PCDH15: variants seen among roughly 807,000 people sequenced by gnomAD.
PCDH15 encodes protocadherin related 15.
In PCDH15, 129 loss-of-function variants were observed where a neutral mutation model predicts 178.5. The ratio of observed to expected loss-of-function variants is 0.72; its 90% confidence interval spans 0.63 to 0.84. PCDH15 has a LOEUF of 0.84. PCDH15 is among the 40% of genes least tolerant of loss of function. The probability of loss-of-function intolerance (pLI) is 0.00; values close to 1 mark genes in which losing one functional copy is unlikely to be tolerated. For synonymous variants in PCDH15, 800 were observed against 732.0 expected (o/e 1.09, Z -1.50); for missense variants, 2,230 against 2,099.9 (o/e 1.06, Z -1.21).
chr10:54,763,734 A>G (rs1365742155), intron 1 of PCDH15, among the ~76,000 whole-genome samples: 1 of 145,990 alleles, frequency 6.8e-6, no homozygotes, highest in Non-Finnish European at 1.5e-5. Flanking sequence ...TTATGGATAC[A>G]TAAGAGTTGT....
At chr10:55,481,319 G>A (rs1328273581) in intron 2 of PCDH15, among the ~76,000 whole-genome samples, 1 of 151,348 alleles carries the variant, frequency 6.6e-6, no homozygotes, top group Non-Finnish European at 1.5e-5. Context: ...ATGGTTTTTA[G>A]TGTCCCTGTC....
At chr10:54,391,584 C>G (rs1214502166) in intron 3 of PCDH15, among the ~76,000 whole-genome samples, 1 of 142,614 alleles carries the variant, frequency 7.0e-6, no homozygotes, top group Non-Finnish European at 1.5e-5. Flanking sequence ...AAAATTTCAT[C>G]AGGAAAAAAA....
intron 30 of PCDH15, among the ~76,000 whole-genome samples, chr10:53,830,285 G>A (rs1343764413): frequency 6.8e-6 from 1 of 146,784 alleles, no homozygotes; most frequent in Non-Finnish European, 1.5e-5. Flanking sequence ...CTGGGCGACA[G>A]AGCCAGACTC....
intron 8 of PCDH15, among the ~76,000 whole-genome samples, chr10:54,283,819 A>C (rs562236373): frequency 6.6e-6 from 1 of 152,056 alleles, no homozygotes; most frequent in Non-Finnish European, 1.5e-5. Flanking sequence ...ACATGCCAAA[A>C]TTAACATGAG....
At chr10:55,112,197 G>A (rs2132057221) in intron 2 of PCDH15, among the ~76,000 whole-genome samples, 1 of 152,256 alleles carries the variant, frequency 6.6e-6, no homozygotes, top group African/African-American at 2.4e-5. Context: ...TAAGGCAAAT[G>A]TGGTGTTAGG....
At position 54,779,473 on chromosome 10, in the gene PCDH15, T is replaced by TAC. The variant is rs1555192811; in HGVS notation, c.-29+21450_-29+21451dup. On this transcript the variant is annotated intron_variant, in intron 1 of 37. Coordinates refer to ENST00000644397, the MANE Select transcript of PCDH15 (RefSeq NM_001384140.1). The stretch of plus-strand genomic sequence containing the variant: ...ACACTCATATATGTGTGTATATATA[T>TAC]ACACACATATATATGTATATATATA... Among the ~76,000 whole-genome samples the TAC allele has an allele frequency of 8.4e-4, 93 of 110,548 alleles. 2 individuals carry two copies. The East Asian group carries it at 0.011, about 13-fold the overall frequency. The allele number at this position is 110,548 out of a possible 152,430, so 72.5% of individuals were successfully genotyped here. A position where few individuals can be genotyped will look rare whatever the true frequency, so the allele number is the denominator to read the frequency against.
chr10:53,803,085 A>G lies in PCDH15; in HGVS notation c.*3494T>C, dbSNP rs1840967599. 1 of 151,952 alleles carries G rather than the reference A, an allele frequency of 6.6e-6. No individual in the cohort carries two copies. Among genetic ancestry groups the G allele is most frequent in the African/African-American group, 2.4e-5 (1 of 41,428 alleles). 9.4% of individuals were successfully genotyped at this position (151,952 alleles called of 1,614,324 possible). On this transcript the variant is annotated 3_prime_UTR_variant, in exon 38 of 38. Coordinates refer to ENST00000644397, the MANE Select transcript of PCDH15 (RefSeq NM_001384140.1). ...ACTATTGAAAACCAATAAAAAAAATAGAACAAAAATTTCACATACCATTTG... is the reference window on the plus strand; with the variant it reads ...ACTATTGAAAACCAATAAAAAAAATGGAACAAAAATTTCACATACCATTTG...
chr10:55,396,654 G>C (rs1480006427), intron 2 of PCDH15, among the ~76,000 whole-genome samples: 1 of 152,134 alleles, frequency 6.6e-6, no homozygotes, highest in African/African-American at 2.4e-5. Context: ...AAACCACAGG[G>C]TCATACACTC....
chr10:54,904,154 T>G (rs2131828235), intron 2 of PCDH15, among the ~76,000 whole-genome samples: 1 of 152,236 alleles, frequency 6.6e-6, no homozygotes, highest in East Asian at 1.9e-4. Context: ...AATCATTGGT[T>G]GATTTTTGTT....
intron 4 of PCDH15, 34 bp downstream of exon 4, chr10:54,378,746 CTT>C: frequency 6.2e-7 from 1 of 1,601,124 alleles, no homozygotes; most frequent in Non-Finnish European, 8.5e-7. Flanking sequence ...TTATAATAAA[CTT>C]ATATTACAGG....
intron 2 of PCDH15, among the ~76,000 whole-genome samples, chr10:55,365,870 TTCATGAGAAAC>T (rs940332599): frequency 6.6e-6 from 1 of 152,090 alleles, no homozygotes; most frequent in African/African-American, 2.4e-5. Flanking sequence ...AGATGATAGA[TTCATGAGAAAC>T]TCATGAGATA....
intron 2 of PCDH15, among the ~76,000 whole-genome samples, chr10:55,603,032 G>T (rs907538146): frequency 3.9e-5 from 6 of 152,024 alleles, no homozygotes; most frequent in Non-Finnish European, 8.8e-5. Context: ...CCAATACAGA[G>T]AAGTGCTTAA....
intron 2 of PCDH15, among the ~76,000 whole-genome samples, chr10:54,563,291 G>C (rs78716678): frequency 2.2e-4 from 30 of 138,810 alleles, no homozygotes; most frequent in Admixed American, 1.3e-3. Context: ...CATAAAGCCA[G>C]ATTAGCAATC....
At chr10:54,471,324 T>C (rs573987780) in intron 3 of PCDH15, among the ~76,000 whole-genome samples, 6 of 152,250 alleles carry the variant, frequency 3.9e-5, no homozygotes, top group South Asian at 2.1e-4. Context: ...AAAATCCACA[T>C]ATAAGTGGAT....
intron 1 of PCDH15, among the ~76,000 whole-genome samples, chr10:54,696,695 G>A (rs532804188): frequency 5.3e-5 from 8 of 150,892 alleles, no homozygotes; most frequent in Non-Finnish European, 7.4e-5. Context: ...AAAAAAAACC[G>A]CCCTATTTTT....
At chr10:54,500,112 C>T (rs1158613770) in intron 3 of PCDH15, among the ~76,000 whole-genome samples, 2 of 151,908 alleles carry the variant, frequency 1.3e-5, no homozygotes, top group Admixed American at 1.3e-4. Context: ...TACTATGCAG[C>T]CATTAAAGAA....
intron 1 of PCDH15, among the ~76,000 whole-genome samples, chr10:54,719,721 C>T (rs1419824797): frequency 1.7e-4 from 26 of 151,922 alleles, no homozygotes; most frequent in Admixed American, 9.2e-4. Context: ...TTTTCCCCTT[C>T]GTGTGTCCAT....
intron 2 of PCDH15, among the ~76,000 whole-genome samples, chr10:55,469,995 C>G (rs561771671): frequency 6.6e-6 from 1 of 151,990 alleles, no homozygotes; most frequent in African/African-American, 2.4e-5. Context: ...TGCTTTTTTA[C>G]CTAGAAAATA....
At chr10:55,523,799 A>G (rs1202439700) in intron 2 of PCDH15, among the ~76,000 whole-genome samples, 1 of 151,628 alleles carries the variant, frequency 6.6e-6, no homozygotes, top group African/African-American at 2.4e-5. Context: ...ACATCTATAC[A>G]CTAGTCTCTA....
Sources: allele counts gnomAD v4.1 joint callset (sites outside exome capture counted in the v4.1 genomes callset), GRCh38; gene constraint gnomAD v4.1.1; transcripts MANE v1.5; gene names NCBI Gene and HGNC (gene_info 2026-07-23, HGNC 2026-07-21).